The following ANO6 variants were observed in gnomAD, a reference collection of about 807,000 sequenced individuals.
ANO6 encodes the protein anoctamin-6.
ANO6 carries 106 observed loss-of-function variants against 117.5 expected under a neutral mutation model. The observed-to-expected ratio is 0.90, with a 90% confidence interval of 0.77 to 1.06. The LOEUF (loss-of-function observed/expected upper bound fraction) is 1.06, where lower values mean the gene tolerates loss of function less well. Among genes scored for constraint, ANO6 ranks in the 50% least tolerant of loss-of-function variants. ANO6 has a pLI of 0.00. For synonymous variants in ANO6, 367 were observed against 385.1 expected (o/e 0.95, Z 0.55); for missense variants, 955 against 1,121.1 (o/e 0.85, Z 2.12).
At chr12:45,221,062 G>GGGT (rs1555156323) in intron 1 of ANO6, among the ~76,000 whole-genome samples, 51 of 148,608 alleles carry the variant, frequency 3.4e-4, no homozygotes, top group African/African-American at 1.2e-3. Context: ...TCGGAAGTGG[G>GGGT]GGGGGGCAGC....
At chr12:45,357,749 A>G (rs1306232049) in intron 8 of ANO6, among the ~76,000 whole-genome samples, 1 of 152,244 alleles carries the variant, frequency 6.6e-6, no homozygotes, top group Non-Finnish European at 1.5e-5. Context: ...ATGTACACTC[A>G]GCCCTGCAGA....
chr12:45,412,527 C>A (rs558013084), intron 16 of ANO6, among the ~76,000 whole-genome samples: 5 of 152,172 alleles, frequency 3.3e-5, no homozygotes, highest in African/African-American at 1.2e-4. Context: ...CTGAACCCAC[C>A]GATGCCTCTG....
rs1056139964 is a variant in ANO6 at position 45,430,613 on chromosome 12, T to C, written c.*1302T>C. 12 of 985,360 alleles carry C rather than the reference T, an allele frequency of 1.2e-5. No individual in the cohort carries two copies. The highest frequency in any genetic ancestry group is 1.3e-5 in the Non-Finnish European group (11 of 829,912). The allele number at this position is 985,360 out of a possible 1,614,324, so 61.0% of individuals were successfully genotyped here. A position where few individuals can be genotyped will look rare whatever the true frequency, so the allele number is the denominator to read the frequency against. Reference sequence around the variant, plus strand: ...TCAGATTAGATTTGATTTTTTAGCCTCCTCTAGAGCCAATCAGGCAGTTAA... The same window carrying C: ...TCAGATTAGATTTGATTTTTTAGCCCCCTCTAGAGCCAATCAGGCAGTTAA... On this transcript the variant is annotated 3_prime_UTR_variant, in exon 20 of 20. Transcript: ENST00000320560.
chr12:45,255,325 C>T (rs1008521286), intron 1 of ANO6, among the ~76,000 whole-genome samples: 7 of 152,108 alleles, frequency 4.6e-5, no homozygotes, highest in African/African-American at 1.7e-4. Context: ...CATGGTGAAA[C>T]CCCGTCTCTA....
chr12:45,401,678 C>T (rs1374302168), intron 12 of ANO6, 117 bp from the exon 13 acceptor site: 2 of 867,904 alleles, frequency 2.3e-6, no homozygotes, highest in Admixed American at 1.9e-5. Flanking sequence ...GCTGGTATCA[C>T]TTATGTGAGA....
chr12:45,384,491 T>A (rs1237435532), intron 10 of ANO6, among the ~76,000 whole-genome samples: 1 of 152,172 alleles, frequency 6.6e-6, no homozygotes, highest in Non-Finnish European at 1.5e-5. Context: ...GATGTGTGAG[T>A]CTTGCTTTCA....
At position 45,254,002 on chromosome 12, in the gene ANO6, A is replaced by G. The variant is rs188438217; in HGVS notation, c.70+37611A>G. On this transcript the variant is annotated intron_variant, in intron 1 of 19. Transcript: ENST00000320560. The stretch of plus-strand genomic sequence containing the variant: ...GCCAACATGGTGAAACCCCGTCTGT[A>G]TTAAAAATGCAAAAATTAGCTGGGC... Among the ~76,000 whole-genome samples, 1,299 of 152,280 alleles carry G rather than the reference A, an allele frequency of 8.5e-3. 18 individuals carry two copies. Among genetic ancestry groups the G allele is most frequent in the African/African-American group, 0.026 (1,073 of 41,554 alleles).
chr12:45,302,333 G>A (rs552354227), intron 2 of ANO6, among the ~76,000 whole-genome samples: 11 of 152,262 alleles, frequency 7.2e-5, no homozygotes, highest in African/African-American at 2.6e-4. Context: ...ATTGCAAATG[G>A]GAGTTCACTT....
intron 1 of ANO6, among the ~76,000 whole-genome samples, chr12:45,282,593 G>A (rs756819244): frequency 2.6e-5 from 4 of 152,172 alleles, no homozygotes; most frequent in Non-Finnish European, 5.9e-5. Flanking sequence ...CCTTAGAGCC[G>A]GCTGGTGACT....
intron 1 of ANO6, among the ~76,000 whole-genome samples, chr12:45,258,558 A>T (rs141498620): frequency 6.6e-6 from 1 of 152,088 alleles, no homozygotes; most frequent in East Asian, 1.9e-4. Context: ...CACCTCTTAC[A>T]TGTGCCTTCT....
intron 1 of ANO6, among the ~76,000 whole-genome samples, chr12:45,293,516 A>C (rs994539046): frequency 6.6e-6 from 1 of 151,624 alleles, no homozygotes. Flanking sequence ...AAAAAAAAAA[A>C]CCTTTTTCCT....
chr12:45,371,879 G>C (rs1204618024), intron 9 of ANO6, among the ~76,000 whole-genome samples: 1 of 152,056 alleles, frequency 6.6e-6, no homozygotes, highest in African/African-American at 2.4e-5. Flanking sequence ...TTGACGAGCT[G>C]AGAGAAGAAG....
intron 1 of ANO6, among the ~76,000 whole-genome samples, chr12:45,259,557 C>T (rs1206656887): frequency 6.6e-6 from 1 of 152,222 alleles, no homozygotes; most frequent in Non-Finnish European, 1.5e-5. Flanking sequence ...AGGTACTCAC[C>T]TGCTGGAGCC....
intron 15 of ANO6, 115 bp from the exon 16 acceptor site, chr12:45,409,241 CA>C (rs1273333070): frequency 1.8e-5 from 25 of 1,387,156 alleles, no homozygotes; most frequent in African/African-American, 2.9e-5. Context: ...AGCATGCAAA[CA>C]AAAAAATAGT....
At chr12:45,381,859 CTT>C (rs1174098546) in intron 10 of ANO6, among the ~76,000 whole-genome samples, 2 of 151,582 alleles carry the variant, frequency 1.3e-5, no homozygotes, top group Non-Finnish European at 2.9e-5. Flanking sequence ...TTATGTTACT[CTT>C]TGTGAGAAAA....
At position 45,322,174 on chromosome 12, in the gene ANO6, A is replaced by G. The variant is rs145803862; in HGVS notation, c.151-9121A>G. Among the ~76,000 whole-genome samples, 403 of 152,268 alleles carry G rather than the reference A, an allele frequency of 2.6e-3. 13 individuals carry two copies. In the East Asian group the frequency reaches 0.067, roughly 25 times the overall value. On this transcript the variant is annotated intron_variant, in intron 2 of 19. Coordinates refer to ENST00000320560, the MANE Select transcript of ANO6 (RefSeq NM_001025356.3). ...CCAGAGGTCTGTGGAGCACACATCC[A>G]TTGGCACAGAGGGTGATACGAGAAG...
At chr12:45,247,358 T>C (rs1019417448) in intron 1 of ANO6, among the ~76,000 whole-genome samples, 6 of 152,226 alleles carry the variant, frequency 3.9e-5, no homozygotes, top group African/African-American at 1.4e-4. Context: ...AATACGTGTA[T>C]TGACACATTT....
Position 45,378,114 on chromosome 12 carries a change from G to C in ANO6, c.1165+1G>C. On this transcript the variant is annotated splice_donor_variant, in intron 10 of 19. Transcript: ENST00000320560. LOFTEE classifies it high-confidence loss of function. ...TTTGCAGTATTTATGGGAGTATGGG[G>C]TAAGTTTTTTTTTTTTTTTTCATGC... The C allele has an allele frequency of 6.3e-7, 1 of 1,581,146 alleles. No individual in the cohort carries two copies. The highest frequency in any genetic ancestry group is 1.4e-5 in the African/African-American group (1 of 72,638).
rs143100969 is a variant in ANO6 at position 45,243,253 on chromosome 12, A to C, written c.70+26862A>C. Among the ~76,000 whole-genome samples, 912 of 152,328 alleles carry C rather than the reference A, an allele frequency of 6.0e-3. 13 individuals carry two copies. The highest frequency in any genetic ancestry group is 0.021 in the African/African-American group (867 of 41,574). ...AGGATCGTTTGAGCCTGGGAGGTTG[A>C]GGCTGCAGTGAGCCATGATTGTGCC... On this transcript the variant is annotated intron_variant, in intron 1 of 19. Transcript: ENST00000320560.
Sources: gnomAD v4.1 joint callset for allele counts (sites outside exome capture counted in the v4.1 genomes callset) on GRCh38, gnomAD v4.1.1 for gene constraint, MANE v1.5 for transcripts, NCBI Gene and HGNC (gene_info 2026-07-23, HGNC 2026-07-21) for gene names.